The following NNT variants were observed in gnomAD, a reference collection of about 807,000 sequenced individuals.
NNT encodes nicotinamide nucleotide transhydrogenase, also known as NAD(P) transhydrogenase, mitochondrial.
In NNT, 50 loss-of-function variants were observed where a neutral mutation model predicts 104.8. The ratio of observed to expected loss-of-function variants is 0.48; its 90% CI spans 0.38 to 0.60. The LOEUF (loss-of-function observed/expected upper bound fraction) is 0.60, where lower values mean the gene tolerates loss of function less well. NNT is among the 20% of genes least tolerant of loss of function. The probability of loss-of-function intolerance (pLI) is 0.00; values close to 1 mark genes in which losing one functional copy is unlikely to be tolerated. For synonymous variants in NNT, 461 were observed against 490.4 expected (o/e 0.94, Z 0.79); for missense variants, 1,131 against 1,330.7 (o/e 0.85, Z 2.33).
chr5:43,667,607 T>C (rs1240667076), intron 17 of NNT, among the ~76,000 whole-genome samples: 1 of 152,220 alleles, frequency 6.6e-6, no homozygotes, highest in Non-Finnish European at 1.5e-5. Context: ...TCATCCTTTT[T>C]TATGGCTGCA....
chr5:43,696,668 G>T (rs940669549), intron 19 of NNT, among the ~76,000 whole-genome samples: 7 of 152,200 alleles, frequency 4.6e-5, no homozygotes, highest in African/African-American at 1.7e-4. Flanking sequence ...TGGGCATCCA[G>T]GTGTTTCTAT....
rs1457757627 is a variant in NNT, at chr5:43,605,950, CA to C, written c.-54+2659del. Among the ~76,000 whole-genome samples the C allele has an allele frequency of 2.0e-5, 3 of 152,250 alleles. No homozygotes were observed. In the East Asian group the frequency reaches 5.8e-4, roughly 29 times the overall value. ...ATTACCATTTTCCAAGTAGAAGGAACAAATTTTCCAGATTTCAGGCCATGAA... is the reference window on the plus strand; with the variant it reads ...ATTACCATTTTCCAAGTAGAAGGAACAATTTTCCAGATTTCAGGCCATGAA... On this transcript the variant is annotated intron_variant, in intron 1 of 21. Coordinates refer to ENST00000344920, the MANE Select transcript of NNT (RefSeq NM_182977.3).
In NNT at chr5:43,700,067, G is replaced by A; in HGVS notation, c.2877-52G>A. On this transcript the variant is annotated intron_variant, in intron 19 of 21. Coordinates refer to ENST00000344920, the MANE Select transcript of NNT (RefSeq NM_182977.3). Reference sequence around the variant, plus strand: ...ATTTGGAGGTGATATTGGGGTCTCTGTACATTATGTCCTGTCAAGTAAGGC... The same window carrying A: ...ATTTGGAGGTGATATTGGGGTCTCTATACATTATGTCCTGTCAAGTAAGGC... 3 of 1,428,926 alleles carry A rather than the reference G, an allele frequency of 2.1e-6. No individual in the cohort carries two copies. The South Asian group carries it at 3.7e-5, about 17-fold the overall frequency. The allele number at this position is 1,428,926 out of a possible 1,614,324, so 88.5% of individuals were successfully genotyped here.
chr5:43,615,662 A>G (rs1749747597), intron 3 of NNT, among the ~76,000 whole-genome samples, 186 bp from the exon 4 acceptor site: 2 of 152,176 alleles, frequency 1.3e-5, no homozygotes. Flanking sequence ...GTCATTAGGC[A>G]GGGGATAGAT....
chr5:43,612,260 T>G (rs142149201), intron 2 of NNT, among the ~76,000 whole-genome samples: 2 of 152,216 alleles, frequency 1.3e-5, no homozygotes, highest in African/African-American at 4.8e-5. Flanking sequence ...CTGGCCAACA[T>G]AGAGCGTCCT....
intron 1 of NNT, among the ~76,000 whole-genome samples, chr5:43,606,059 C>T (rs1286982221): frequency 6.6e-6 from 1 of 152,116 alleles, no homozygotes; most frequent in Non-Finnish European, 1.5e-5. Context: ...GAAACCTGTG[C>T]TTTTTTTATA....
At chr5:43,695,827 A>T (rs1035929301) in intron 19 of NNT, among the ~76,000 whole-genome samples, 2 of 152,222 alleles carry the variant, frequency 1.3e-5, no homozygotes, top group Non-Finnish European at 2.9e-5. Flanking sequence ...AAGCCAAAAA[A>T]GAGAGCTTGT....
At chr5:43,694,905 T>G (rs1742481367) in intron 19 of NNT, among the ~76,000 whole-genome samples, 1 of 152,158 alleles carries the variant, frequency 6.6e-6, no homozygotes, top group Non-Finnish European at 1.5e-5. Context: ...GTACATCTGG[T>G]AGATTTGAGC....
intron 17 of NNT, among the ~76,000 whole-genome samples, chr5:43,671,482 G>C (rs1162667023): frequency 6.6e-6 from 1 of 152,166 alleles, no homozygotes; most frequent in Non-Finnish European, 1.5e-5. Flanking sequence ...AGGCCTGGCG[G>C]TGACAAAATC....
Position 43,665,831 on chromosome 5 carries a change from C to G in NNT, c.2634+6481C>G, listed in dbSNP as rs181651070. On this transcript the variant is annotated intron_variant, in intron 17 of 21. Coordinates refer to ENST00000344920, the MANE Select transcript of NNT (RefSeq NM_182977.3). The stretch of plus-strand genomic sequence containing the variant: ...GCAGAGGCGCACCCCACCTCCTGGA[C>G]GGGGTGGCTGGCCGGGCAGGGGCTG... 6.3e-4 allele frequency among the ~76,000 whole-genome samples: 57 copies of G among 90,272 alleles called. 18 individuals carry two copies. The highest frequency in any genetic ancestry group is 1.1e-3 in the Non-Finnish European group (32 of 29,940). The allele number at this position is 90,272 out of a possible 152,430, so 59.2% of individuals were successfully genotyped here. A position where few individuals can be genotyped will look rare whatever the true frequency, so the allele number is the denominator to read the frequency against.
chr5:43,706,512 G>A lies in NNT; in HGVS notation c.*2108G>A, dbSNP rs1389710173. 1.3e-5 allele frequency: 2 copies of A among 150,632 alleles called. No homozygotes were observed. Among genetic ancestry groups the A allele is most frequent in the South Asian group, 4.2e-4 (2 of 4,800 alleles). 9.3% of individuals were successfully genotyped at this position (150,632 alleles called of 1,614,324 possible). On this transcript the variant is annotated 3_prime_UTR_variant, in exon 22 of 22. Transcript: ENST00000344920. ...GGTAGTGAAATGCTAATGTTGATTT[G>A]TCTTTAAGGGCTTGTTAACTATCCT...
intron 17 of NNT, among the ~76,000 whole-genome samples, chr5:43,667,780 C>T (rs1740794230): frequency 1.3e-5 from 2 of 151,868 alleles, no homozygotes; most frequent in African/African-American, 2.4e-5. Context: ...TGGGTATATA[C>T]CCCAGTAATG....
At position 43,706,526 on chromosome 5, in the gene NNT, G is replaced by A. The variant is rs1057248518; in HGVS notation, c.*2122G>A. On this transcript the variant is annotated 3_prime_UTR_variant, in exon 22 of 22. Coordinates refer to ENST00000344920, the MANE Select transcript of NNT (RefSeq NM_182977.3). ...AATGTTGATTTGTCTTTAAGGGCTT[G>A]TTAACTATCCTTTATTTTCTCATTT... 6.6e-6 allele frequency: 1 copy of A among 151,574 alleles called. No individual in the cohort carries two copies. The highest frequency in any genetic ancestry group is 2.4e-5 in the African/African-American group (1 of 41,298). 9.4% of individuals were successfully genotyped at this position (151,574 alleles called of 1,614,324 possible).
At chr5:43,648,038 G>A in intron 10 of NNT, 1 of 1,190,458 alleles carries the variant, frequency 8.4e-7, no homozygotes, top group Non-Finnish European at 1.1e-6. Flanking sequence ...ATTCAAACCA[G>A]ACTGACTTAA....
chr5:43,635,825 A>C (rs1224912651), intron 7 of NNT, among the ~76,000 whole-genome samples: 1 of 152,112 alleles, frequency 6.6e-6, no homozygotes, highest in Non-Finnish European at 1.5e-5. Flanking sequence ...ATTTTAACGT[A>C]ATCACCTCTT....
chr5:43,611,215 C>G (rs951339419), intron 2 of NNT, among the ~76,000 whole-genome samples: 1 of 151,964 alleles, frequency 6.6e-6, no homozygotes, highest in African/African-American at 2.4e-5. Flanking sequence ...AAGTTCCCCT[C>G]TCTTTATTCC....
At chr5:43,697,950 A>G (rs1484497319) in intron 19 of NNT, among the ~76,000 whole-genome samples, 1 of 152,172 alleles carries the variant, frequency 6.6e-6, no homozygotes, top group Admixed American at 6.6e-5. Flanking sequence ...GAGCGGGGAC[A>G]CAGCCAAACC....
At chr5:43,667,978 G>A (rs572936379) in intron 17 of NNT, among the ~76,000 whole-genome samples, 1 of 152,284 alleles carries the variant, frequency 6.6e-6, no homozygotes, top group African/African-American at 2.4e-5. Flanking sequence ...GTGTGAGATG[G>A]TATCTCATTG....
chr5:43,668,244 G>GTTTT lies in NNT; in HGVS notation c.2635-7255_2635-7252dup, dbSNP rs57590117. Among the ~76,000 whole-genome samples the GTTTT allele has an allele frequency of 1.3e-3, 179 of 138,318 alleles. 1 individual carries two copies. Among genetic ancestry groups the GTTTT allele is most frequent in the African/African-American group, 4.5e-3 (171 of 37,600 alleles). The allele number at this position is 138,318 out of a possible 152,430, so 90.7% of individuals were successfully genotyped here. ...AGGTTGCCTATTCACTCTGATGGTG[G>GTTTT]TTTTTTTTTTTTTTTGCTGTGCAGT... On this transcript the variant is annotated intron_variant, in intron 17 of 21. Coordinates refer to ENST00000344920, the MANE Select transcript of NNT (RefSeq NM_182977.3).
Sources: gnomAD v4.1 joint callset for allele counts (sites outside exome capture counted in the v4.1 genomes callset) on GRCh38, gnomAD v4.1.1 for gene constraint, MANE v1.5 for transcripts, NCBI Gene and HGNC (gene_info 2026-07-23, HGNC 2026-07-21) for gene names.